Variants in NEB observed in about 807,000 individuals in gnomAD.
NEB encodes the protein nemaline myopathy type 2.
NEB carries 512 observed loss-of-function variants against 952.2 expected under a neutral mutation model. The ratio of observed to expected loss-of-function variants is 0.54; its 90% CI spans 0.50 to 0.58. NEB has a LOEUF of 0.58. Among genes scored for constraint, NEB ranks in the 20% least tolerant of loss-of-function variants. NEB has a pLI of 0.00. For missense variants in NEB, 8,428 were observed against 9,231.1 expected, an observed-to-expected ratio of 0.91 and a Z score of 3.56; for synonymous variants, 2,900 against 3,149.8, an observed-to-expected ratio of 0.92 and a Z score of 2.66.
At chr2:151,647,653 T>G (rs1193229538) in intron 54 of NEB, among the ~76,000 whole-genome samples, 1 of 152,086 alleles carries the variant, frequency 6.6e-6, no homozygotes, top group East Asian at 1.9e-4. Flanking sequence ...TCTGAGTCTA[T>G]CACAGGAACC....
chr2:151,656,232 T>G lies in NEB; in HGVS notation c.6416A>C (p.His2139Pro), dbSNP rs1341298660. ...QANITNTNYK[H>P]LIHKYILLPD... ...AAGGAGGATGTACTTGTGAATCAGG[T>G]GCTTGTAGTTAGTGTTGGTGATGTT... Residue 2139 changes from histidine to proline, a missense_variant, in exon 49 of 182, where the codon CAC becomes CCC. By Grantham distance (77) the His-to-Pro change is moderately conservative (BLOSUM62 -2). Around this residue, in one of 11 missense-constraint regions of NEB, gnomAD observed 2,851 missense variants for 2,791.5 expected, o/e 1.02. Transcript: ENST00000397345. The G allele has an allele frequency of 5.0e-6, 8 of 1,613,274 alleles. No homozygotes were observed. The highest frequency in any genetic ancestry group is 6.8e-6 in the Non-Finnish European group (8 of 1,179,510).
Position 151,526,220 on chromosome 2 carries a change from G to A in NEB, c.21988C>T (p.His7330Tyr). The A allele has an allele frequency of 1.9e-6, 3 of 1,613,670 alleles. No homozygotes were observed. Among genetic ancestry groups the A allele is most frequent in the South Asian group, 1.1e-5 (1 of 91,036 alleles). ...ATCTGAGGCGTGTCAGGTACGGCAT[G>A]GCAGGTTCCTCTTTCCTTGACATGT... Reference protein sequence around the residue: ...EKHVKERGTCHAVPDTPQILL... With the variant: ...EKHVKERGTCYAVPDTPQILL... Residue 7330 changes from histidine (H) to tyrosine (Y), a missense_variant, in exon 149 of 182, where the codon CAT becomes TAT. His to Tyr is a moderately conservative substitution (Grantham distance 83, BLOSUM62 2). Around this residue, in one of 11 missense-constraint regions of NEB, gnomAD observed 3,374 missense variants for 3,651.5 expected, o/e 0.92. Coordinates refer to ENST00000397345, the MANE Select transcript of NEB (RefSeq NM_001164508.2).
chr2:151,690,895 T>A (rs2099543907), intron 23 of NEB, 70 bp from the exon 24 acceptor site: 10 of 1,146,642 alleles, frequency 8.7e-6, no homozygotes, highest in Non-Finnish European at 1.3e-6. Flanking sequence ...ACATAAAAAA[T>A]GGTTCCAGGT....
intron 3 of NEB, among the ~76,000 whole-genome samples, chr2:151,730,144 G>A (rs7557801): frequency 0.85 from 128,959 of 152,126 alleles, 55,637 homozygotes; most frequent in Middle Eastern, 0.94. Context: ...AAGATCCCAA[G>A]GTATATCCAC....
chr2:151,541,671 G>A (rs1003742343), intron 135 of NEB, 120 bp from the exon 136 acceptor site: 4 of 729,254 alleles, frequency 5.5e-6, no homozygotes, highest in Non-Finnish European at 9.3e-6. Flanking sequence ...AACGATTGCA[G>A]TTTCTTCCCA....
At chr2:151,568,985 T>C (rs998459165) in intron 110 of NEB, among the ~76,000 whole-genome samples, 37 of 152,206 alleles carry the variant, frequency 2.4e-4, no homozygotes, top group African/African-American at 8.4e-4. Flanking sequence ...AATGCACATT[T>C]TTCCAACGAA....
At chr2:151,494,602 G>T (rs1239628859) in intron 173 of NEB, among the ~76,000 whole-genome samples, 1 of 152,044 alleles carries the variant, frequency 6.6e-6, no homozygotes, top group Admixed American at 6.6e-5. Context: ...CACTGAGAAG[G>T]TTGAGGCTGT....
intron 181 of NEB, among the ~76,000 whole-genome samples, chr2:151,487,481 G>A (rs1165686297): frequency 2.0e-5 from 3 of 152,044 alleles, no homozygotes; most frequent in Non-Finnish European, 1.5e-5. Flanking sequence ...AAATAATACT[G>A]TGATTTGTTC....
In NEB at chr2:151,530,734, A is replaced by G. The variant is rs1576446043; in HGVS notation, c.21630+260T>C. On this transcript the variant is annotated intron_variant, in intron 145 of 181. Transcript: ENST00000397345. ...AGCTCCCAGCCCGCAGCCATCACCAATGGCTAGCCATGGGAGTGAGCCACC... is the reference window on the plus strand; with the variant it reads ...AGCTCCCAGCCCGCAGCCATCACCAGTGGCTAGCCATGGGAGTGAGCCACC... 3.7e-5 allele frequency: 13 copies of G among 351,878 alleles called. 1 individual carries two copies. In the East Asian group the frequency reaches 5.6e-4, roughly 15 times the overall value. The allele number at this position is 351,878 out of a possible 1,614,324, so 21.8% of individuals were successfully genotyped here.
intron 20 of NEB, among the ~76,000 whole-genome samples, chr2:151,692,607 C>T (rs183359751): frequency 6.6e-6 from 1 of 152,204 alleles, no homozygotes; most frequent in Admixed American, 6.5e-5. Context: ...GACTGAAAAA[C>T]GCACACCAAT....
chr2:151,606,879 C>T lies in NEB; in HGVS notation c.12640-166G>A, dbSNP rs535289921. Among the ~76,000 whole-genome samples, 11 of 82,478 alleles carry T rather than the reference C, an allele frequency of 1.3e-4. 4 individuals are homozygous for T. In the East Asian group the frequency reaches 4.3e-3, roughly 32 times the overall value. 54.1% of individuals were successfully genotyped at this position (82,478 alleles called of 152,430 possible). ...TGTTGGATATTTCCTCTGTGGTGTACAGGATACTTCTGGTTAAAATTTTAA... is the reference window on the plus strand; with the variant it reads ...TGTTGGATATTTCCTCTGTGGTGTATAGGATACTTCTGGTTAAAATTTTAA... On this transcript the variant is annotated intron_variant, in intron 83 of 181. Transcript: ENST00000397345.
intron 35 of NEB, 136 bp downstream of exon 35, chr2:151,675,151 T>C (rs1171004746): frequency 2.8e-6 from 2 of 720,958 alleles, no homozygotes; most frequent in East Asian, 5.4e-5. Context: ...TAAAGAACCA[T>C]CCTTATGGGA....
chr2:151,520,234 A>AG (rs2081005275), intron 153 of NEB, among the ~76,000 whole-genome samples: 1 of 152,198 alleles, frequency 6.6e-6, no homozygotes, highest in South Asian at 2.1e-4. Context: ...ATTTATTGTT[A>AG]TTTTAAAATA....
At chr2:151,680,944 T>C in intron 29 of NEB, 116 bp from the exon 30 acceptor site, 2 of 825,746 alleles carry the variant, frequency 2.4e-6, no homozygotes, top group Non-Finnish European at 4.1e-6. Flanking sequence ...GATTTTAAAA[T>C]GCAAAAACAC....
intron 142 of NEB, 104 bp downstream of exon 142, chr2:151,535,587 A>G: frequency 1.6e-6 from 1 of 644,864 alleles, no homozygotes; most frequent in Non-Finnish European, 2.6e-6. Context: ...AAAACTTAGG[A>G]TGGCTTTCCT....
At chr2:151,657,662 GAAC>G (rs1223713789) in intron 48 of NEB, among the ~76,000 whole-genome samples, 1 of 152,174 alleles carries the variant, frequency 6.6e-6, no homozygotes, top group Non-Finnish European at 1.5e-5. Context: ...CAGGAGGCAA[GAAC>G]AACACAAGAC....
chr2:151,679,135 A>T (rs1000231779), intron 32 of NEB, among the ~76,000 whole-genome samples: 3 of 152,148 alleles, frequency 2.0e-5, no homozygotes, highest in African/African-American at 7.2e-5. Context: ...GGGGAGGGGG[A>T]TTCCACTCCC....
intron 179 of NEB, 125 bp downstream of exon 179, chr2:151,491,558 C>A: frequency 1.2e-6 from 1 of 811,230 alleles, no homozygotes; most frequent in African/African-American, 1.7e-5. Context: ...ATTTTTATGC[C>A]AAATGGGCAG....
rs1416012783 is a variant in NEB, at chr2:151,529,306, G to T, written c.21639C>A (p.Tyr7213Ter). Residue 7213 changes from tyrosine to a stop codon, truncating the protein, a stop_gained, in exon 146 of 182, where the codon TAC becomes TAA. Coordinates refer to ENST00000397345, the MANE Select transcript of NEB (RefSeq NM_001164508.2). LOFTEE classifies it high-confidence loss of function. Reference sequence around the variant, plus strand: ...ATTTATTTCTTTGGTATACTTCTTTGTATTTCAGCTGTGGGAGGAAACACA... The same window carrying T: ...ATTTATTTCTTTGGTATACTTCTTTTTATTTCAGCTGTGGGAGGAAACACA... ...KVKDEVSDLK[Y>*]KEVYQRNKSN... The T allele has an allele frequency of 6.2e-7, 1 of 1,605,562 alleles. No homozygotes were observed. The highest frequency in any genetic ancestry group is 1.3e-5 in the African/African-American group (1 of 74,700).
Sources: allele counts gnomAD v4.1 joint callset (sites outside exome capture counted in the v4.1 genomes callset), GRCh38; gene constraint gnomAD v4.1.1; regional missense constraint gnomAD v4.1.1; transcripts MANE v1.5; gene names NCBI Gene and HGNC (gene_info 2026-07-23, HGNC 2026-07-21).